Variants in ZNF26 observed in about 807,000 individuals in gnomAD.
The protein encoded by ZNF26 is epididymis luminal protein 179.
ZNF26 carries 32 observed loss-of-function variants against 54.9 expected under a neutral mutation model. That is an observed-to-expected ratio of 0.58 (90% CI 0.44 to 0.78). The LOEUF (loss-of-function observed/expected upper bound fraction) is 0.78, where lower values mean the gene tolerates loss of function less well. Among genes scored for constraint, ZNF26 ranks in the 30% least tolerant of loss-of-function variants. The pLI is 0.00. For synonymous variants in ZNF26, 221 were observed against 209.2 expected (o/e 1.06, Z -0.49); for missense variants, 524 against 634.0 (o/e 0.83, Z 1.86).
intron 1 of ZNF26, chr12:132,995,272 G>A (rs1953052209): frequency 6.6e-6 from 1 of 152,550 alleles, no homozygotes; most frequent in African/African-American, 2.4e-5. Context: ...GCGCTCACTG[G>A]ACAGTAACAC....
chr12:133,005,108 C>T (rs1289306546), intron 1 of ZNF26: 5 of 152,184 alleles, frequency 3.3e-5, no homozygotes, highest in Admixed American at 2.6e-4. Flanking sequence ...ATTTTCAGGC[C>T]GCATTTCTTT....
intron 1 of ZNF26, chr12:133,006,220 C>T: frequency 1.0e-6 from 1 of 985,378 alleles, no homozygotes; most frequent in African/African-American, 1.7e-5. Flanking sequence ...TAAGGTGGAG[C>T]AAGAGATGGA....
In ZNF26 at chr12:133,026,519, C is replaced by CTTTTTTTTTTTTTTT. The variant is rs77349696; in HGVS notation, c.*15049_*15063dup. 8.2e-6 allele frequency: 1 copy of CTTTTTTTTTTTTTTT among 122,466 alleles called. No individual in the cohort carries two copies. Among genetic ancestry groups the CTTTTTTTTTTTTTTT allele is most frequent in the African/African-American group, 3.6e-5 (1 of 27,450 alleles). 7.6% of individuals were successfully genotyped at this position (122,466 alleles called of 1,614,324 possible). ...AAAAGGACAACTTCATATAGTTCAA[C>CTTTTTTTTTTTTTTT]TTTTTTTTTTTTTTTTTTTTTTTTT... is the stretch of plus-strand genomic sequence containing the variant. On this transcript the variant is annotated 3_prime_UTR_variant, in exon 4 of 4. Transcript: ENST00000328654.
rs1242156015 is a variant in ZNF26, at chr12:133,010,429, C to T, written c.550C>T (p.Arg184Cys). Residue 184 changes from arginine to cysteine, a missense_variant, in exon 4 of 4, where the codon CGT becomes TGT. Coordinates refer to ENST00000328654, the MANE Select transcript of ZNF26 (RefSeq NM_019591.4). ...GTGTAGTGAATGTGGGAAAGCTTTT[C>T]GTTGTAAGTCACAGCTCATTGTACA... The part of the protein sequence containing the change: ...CVCSECGKAF[R>C]CKSQLIVHLR... 31 of 1,610,352 alleles carry T rather than the reference C, an allele frequency of 1.9e-5. No homozygotes were observed. Among genetic ancestry groups the T allele is most frequent in the Non-Finnish European group, 2.4e-5 (28 of 1,179,010 alleles).
Position 133,010,165 on chromosome 12 carries a change from C to G in ZNF26, c.286C>G (p.Gln96Glu). 6.2e-7 allele frequency: 1 copy of G among 1,600,372 alleles called. No individual in the cohort carries two copies. Among genetic ancestry groups the G allele is most frequent in the South Asian group, 1.1e-5 (1 of 87,488 alleles). Residue 96 changes from glutamine to glutamate, a missense_variant, in exon 4 of 4, where the codon CAA (glutamine) becomes GAA (glutamate). Gln to Glu is a conservative substitution (Grantham distance 29). Transcript: ENST00000328654. ...CTGGGAAGAATGGTACCAGAACAAT[C>G]AAGATGAGCTTGAGAGTATTGAAAG... Reference protein sequence around the residue: ...DGWEEWYQNNQDELESIERSY... With the variant: ...DGWEEWYQNNEDELESIERSY...
At chr12:133,000,201 G>A (rs1484241667) in intron 1 of ZNF26, among the ~76,000 whole-genome samples, 1 of 151,678 alleles carries the variant, frequency 6.6e-6, no homozygotes, top group Non-Finnish European at 1.5e-5. Flanking sequence ...ATCATGCTAG[G>A]TCAATTCAAA....
chr12:133,007,282 T>C, intron 2 of ZNF26, 114 bp downstream of exon 2: 1 of 1,403,664 alleles, frequency 7.1e-7, no homozygotes, highest in Non-Finnish European at 9.8e-7. Flanking sequence ...GAACTTGAAC[T>C]TTAGGGGTCA....
At chr12:132,996,049 A>G (rs956911723) in intron 1 of ZNF26, among the ~76,000 whole-genome samples, 5 of 152,202 alleles carry the variant, frequency 3.3e-5, no homozygotes, top group Admixed American at 1.3e-4. Flanking sequence ...TGAGCTGTTT[A>G]GGGGCTGTAC....
rs930310183 is a variant in ZNF26, at chr12:133,001,809, G to C, written c.34-5233G>C. The C allele has an allele frequency of 3.3e-5, 26 of 781,954 alleles. No individual in the cohort carries two copies. The highest frequency in any genetic ancestry group is 4.0e-4 in the Middle Eastern group (1 of 2,504). 48.4% of individuals were successfully genotyped at this position (781,954 alleles called of 1,614,324 possible). ...TCCCCAGCTGCCTTTTGAGAGTCCCGCGGCAGTCTTTGCCTTCAGAATTTT... is the reference window on the plus strand; with the variant it reads ...TCCCCAGCTGCCTTTTGAGAGTCCCCCGGCAGTCTTTGCCTTCAGAATTTT... On this transcript the variant is annotated intron_variant, in intron 1 of 3. Transcript: ENST00000328654. This position sits in a 1 kb window ranked among gnomAD's most constrained non-coding sequence, Gnocchi z 4.7.
chr12:133,015,716 AAAG>A lies in ZNF26; in HGVS notation c.*4239_*4241del, dbSNP rs1484871599. 6.6e-6 allele frequency: 1 copy of A among 152,258 alleles called. No homozygotes were observed. The highest frequency in any genetic ancestry group is 1.5e-5 in the Non-Finnish European group (1 of 68,046). 9.4% of individuals were successfully genotyped at this position (152,258 alleles called of 1,614,324 possible). On this transcript the variant is annotated 3_prime_UTR_variant, in exon 4 of 4. Transcript: ENST00000328654. ...AAATGTCAATGTTGCTGAAAAGCCAAAAGAAGCCAAGAGGACAGTCTTCTGAGT... is the reference window on the plus strand; with the variant it reads ...AAATGTCAATGTTGCTGAAAAGCCAAAAGCCAAGAGGACAGTCTTCTGAGT...
rs1258224501 is a variant in ZNF26, at chr12:133,012,269, T to C, written c.*788T>C. 6.6e-6 allele frequency: 1 copy of C among 152,176 alleles called. No individual in the cohort carries two copies. Among genetic ancestry groups the C allele is most frequent in the Non-Finnish European group, 1.5e-5 (1 of 68,038 alleles). The allele number at this position is 152,176 out of a possible 1,614,324, so 9.4% of individuals were successfully genotyped here. ...GTTTTCTCTGGAGAAATACCTCCCC[T>C]CTCTGGGGTGCTTCCTGTGGTAGTG... On this transcript the variant is annotated 3_prime_UTR_variant, in exon 4 of 4. Coordinates refer to ENST00000328654, the MANE Select transcript of ZNF26 (RefSeq NM_019591.4).
chr12:133,006,441 CAG>C (rs2137250171), intron 1 of ZNF26: 1 of 258,484 alleles, frequency 3.9e-6, no homozygotes, highest in Admixed American at 6.5e-5. Context: ...ACCAAGGACT[CAG>C]AACACCTTAT....
rs1953688551 is a variant in ZNF26 at position 133,025,242 on chromosome 12, C to G, written c.*13761C>G. On this transcript the variant is annotated 3_prime_UTR_variant, in exon 4 of 4. Transcript: ENST00000328654. ...AGTATTGGTAACAGTTTTTCTGTGT[C>G]TGCCCCACTGTTACGTTCTGGGTGT... The G allele has an allele frequency of 6.6e-6, 1 of 152,194 alleles. No individual in the cohort carries two copies. Among genetic ancestry groups the G allele is most frequent in the African/African-American group, 2.4e-5 (1 of 41,448 alleles). 9.4% of individuals were successfully genotyped at this position (152,194 alleles called of 1,614,324 possible).
chr12:132,994,846 T>G (rs1012456558), intron 1 of ZNF26, among the ~76,000 whole-genome samples: 6 of 152,252 alleles, frequency 3.9e-5, no homozygotes, highest in Non-Finnish European at 7.4e-5. Context: ...ATGGAATAAT[T>G]CTTTGTTGTG....
chr12:133,009,000 G>A (rs1953407433), intron 3 of ZNF26, among the ~76,000 whole-genome samples: 1 of 151,894 alleles, frequency 6.6e-6, no homozygotes, highest in African/African-American at 2.4e-5. Flanking sequence ...ACTATCAAAT[G>A]ACCAGATCTC....
Position 133,010,607 on chromosome 12 carries a change from C to T in ZNF26, c.728C>T (p.Ser243Leu), listed in dbSNP as rs2137260696. The T allele has an allele frequency of 6.2e-7, 1 of 1,614,188 alleles. No homozygotes were observed. Among genetic ancestry groups the T allele is most frequent in the Non-Finnish European group, 8.5e-7 (1 of 1,180,034 alleles). ...TGCGAGAAGGTCTTCTCTTTCAGGT[C>T]ACAGCTCATTGTCCATCAGGAAATT... ...SECEKVFSFR[S>L]QLIVHQEIHT... Residue 243 changes from serine to leucine, a missense_variant, in exon 4 of 4, where the codon TCA becomes TTA. Ser to Leu is a moderately radical substitution (Grantham distance 145). Coordinates refer to ENST00000328654, the MANE Select transcript of ZNF26 (RefSeq NM_019591.4).
At chr12:133,009,213 C>T (rs1216024708) in intron 3 of ZNF26, among the ~76,000 whole-genome samples, 2 of 152,172 alleles carry the variant, frequency 1.3e-5, no homozygotes, top group Non-Finnish European at 2.9e-5. Context: ...ACAATAGCTT[C>T]CTAAAGTATT....
In ZNF26 at chr12:133,011,103, C is replaced by A; in HGVS notation, c.1224C>A (p.Ser408Arg). 6.2e-7 allele frequency: 1 copy of A among 1,613,994 alleles called. No homozygotes were observed. The highest frequency in any genetic ancestry group is 8.5e-7 in the Non-Finnish European group (1 of 1,179,994). The change falls in exon 4 of 4, where the codon AGC (serine) becomes AGA (arginine). Residue 408 changes from serine (S) to arginine (R), a missense_variant. Ser to Arg is a moderately radical substitution (Grantham distance 110). Coordinates refer to ENST00000328654, the MANE Select transcript of ZNF26 (RefSeq NM_019591.4). ...GCAGTGAATGTGGGAAGGCTTTCAG[C>A]AGCAAGTCATACCTTGTTATACATA... ...YGCSECGKAF[S>R]SKSYLVIHRR...
Position 133,000,281 on chromosome 12 carries a change from C to CT in ZNF26, c.34-6759dup, listed in dbSNP as rs1165308834. On this transcript the variant is annotated intron_variant, in intron 1 of 3. Transcript: ENST00000328654. ...TTATTTATTTATTTTGAGTTAGAGT[C>CT]TTGCTCTGTTGCCCAGGCTGGAGTG... 2.0e-5 allele frequency among the ~76,000 whole-genome samples: 3 copies of CT among 151,750 alleles called. No individual in the cohort carries two copies. The East Asian group carries it at 5.8e-4, about 29-fold the overall frequency.
Sources: allele counts gnomAD v4.1 joint callset (sites outside exome capture counted in the v4.1 genomes callset), GRCh38; gene constraint gnomAD v4.1.1; non-coding constraint Gnocchi (gnomAD v3.1); transcripts MANE v1.5; gene names NCBI Gene and HGNC (gene_info 2026-07-23, HGNC 2026-07-21).